The following KGD4 variants were observed in gnomAD, a reference collection of about 807,000 sequenced individuals.
KGD4 encodes alpha-ketoglutarate dehydrogenase component 4.
the KGD4 span, among the ~76,000 whole-genome samples, chr5:69,220,641 AG>A: frequency 6.6e-6 from 1 of 152,134 alleles, no homozygotes; most frequent in African/African-American, 2.4e-5. Flanking sequence ...CAATCTTCCA[AG>A]TGTGAAGTGA....
At chr5:69,225,232 G>A in the KGD4 span, among the ~76,000 whole-genome samples, 1 of 148,822 alleles carries the variant, frequency 6.7e-6, no homozygotes, top group African/African-American at 2.5e-5. Context: ...AGCCTCCCAA[G>A]TAGCTGGAAC....
At chr5:69,229,764 A>G in the KGD4 span, 2 of 152,244 alleles carry the variant, frequency 1.3e-5, no homozygotes, top group African/African-American at 4.8e-5. Flanking sequence ...TCTGAATGAT[A>G]AAAATATAGT....
chr5:69,219,034 G>A, the KGD4 span, among the ~76,000 whole-genome samples: 1 of 152,112 alleles, frequency 6.6e-6, no homozygotes, highest in Non-Finnish European at 1.5e-5. Flanking sequence ...ACCCAAATGA[G>A]CAATGAACAT....
At chr5:69,229,551 T>G in the KGD4 span, 1 of 196,356 alleles carries the variant, frequency 5.1e-6, no homozygotes, top group African/African-American at 2.3e-5. Context: ...TATCATAGGA[T>G]TCCCATAATT....
At chr5:69,217,770 G>T in the KGD4 span, 1 of 1,611,532 alleles carries the variant, frequency 6.2e-7, no homozygotes, top group South Asian at 1.1e-5. Flanking sequence ...ACAGCTGCCC[G>T]GGACTCCAGT....
At chr5:69,218,760 A>T in the KGD4 span, among the ~76,000 whole-genome samples, 3 of 152,208 alleles carry the variant, frequency 2.0e-5, no homozygotes, top group Admixed American at 6.5e-5. Flanking sequence ...ATTCCGCTTT[A>T]TATAAGTACA....
chr5:69,227,563 TA>T, the KGD4 span, among the ~76,000 whole-genome samples: 1 of 152,224 alleles, frequency 6.6e-6, no homozygotes, highest in Non-Finnish European at 1.5e-5. Flanking sequence ...TTTATAGGTA[TA>T]TTTTTAACTT....
At chr5:69,220,075 TA>T in the KGD4 span, among the ~76,000 whole-genome samples, 2 of 150,562 alleles carry the variant, frequency 1.3e-5, no homozygotes, top group Non-Finnish European at 1.5e-5. Flanking sequence ...ATAAAAATTT[TA>T]AAAAATTAGC....
chr5:69,218,803 ATTG>A, the KGD4 span, among the ~76,000 whole-genome samples: 2 of 152,232 alleles, frequency 1.3e-5, no homozygotes, highest in Non-Finnish European at 2.9e-5. Context: ...AATTCCTGAA[ATTG>A]TTGTCTGAAT....
chr5:69,217,877 G>A, the KGD4 span: 2 of 1,614,106 alleles, frequency 1.2e-6, no homozygotes, highest in Non-Finnish European at 1.7e-6. Flanking sequence ...TTCAGGTAAA[G>A]CAATTTGTCG....
chr5:69,217,862 G>A, the KGD4 span: 2 of 1,614,080 alleles, frequency 1.2e-6, no homozygotes, highest in East Asian at 4.5e-5. Flanking sequence ...CTGCTAGTAG[G>A]GTCGTTCAGG....
chr5:69,217,946 A>G, the KGD4 span: 4 of 1,611,556 alleles, frequency 2.5e-6, no homozygotes, highest in Non-Finnish European at 2.5e-6. Context: ...GTCGGGGAGT[A>G]AAGGCGGTGG....
the KGD4 span, among the ~76,000 whole-genome samples, chr5:69,219,832 A>C: frequency 1.7e-4 from 26 of 152,302 alleles, no homozygotes; most frequent in South Asian, 5.2e-3. Flanking sequence ...CTCGAAAAAT[A>C]AATAATAAAG....
At chr5:69,226,390 C>T in the KGD4 span, 1 of 1,604,350 alleles carries the variant, frequency 6.2e-7, no homozygotes, top group Non-Finnish European at 8.5e-7. Flanking sequence ...AGAGACAATC[C>T]TAAACCCAAT....
chr5:69,226,432 A>T, the KGD4 span: 2 of 1,410,720 alleles, frequency 1.4e-6, no homozygotes, highest in African/African-American at 1.4e-5. Context: ...ATTTCTTTTA[A>T]AATTGTGTAC....
the KGD4 span, among the ~76,000 whole-genome samples, chr5:69,224,755 G>A: frequency 3.9e-5 from 6 of 152,020 alleles, no homozygotes; most frequent in East Asian, 3.9e-4. Context: ...CAAGCCAGAC[G>A]CTGTCTCAAC....
chr5:69,225,810 A>G, the KGD4 span, among the ~76,000 whole-genome samples: 2 of 151,986 alleles, frequency 1.3e-5, no homozygotes, highest in South Asian at 4.2e-4. Context: ...TGAACTCCTG[A>G]CCTCGTGATC....
the KGD4 span, among the ~76,000 whole-genome samples, chr5:69,228,593 T>C: frequency 1.3e-5 from 2 of 152,326 alleles, no homozygotes; most frequent in African/African-American, 4.8e-5. Flanking sequence ...TCAATATCAA[T>C]AGATATAATC....
chr5:69,225,077 A>C, the KGD4 span, among the ~76,000 whole-genome samples: 122 of 144,138 alleles, frequency 8.5e-4, 1 homozygote, highest in East Asian at 0.022. Flanking sequence ...CCGTCTGAAA[A>C]AAGAAAAAAA....
Sources: gnomAD v4.1 joint callset for allele counts (sites outside exome capture counted in the v4.1 genomes callset) on GRCh38, gnomAD v4.1.1 for gene constraint, MANE v1.5 for transcripts, NCBI Gene and HGNC (gene_info 2026-07-23, HGNC 2026-07-21) for gene names.